Variants in OR51B5 observed in about 807,000 individuals in gnomAD.
OR51B5 encodes the protein olfactory receptor family 51 subfamily B member 5.
For synonymous variants in OR51B5, 186 were observed against 144.8 expected, an observed-to-expected ratio of 1.28 and a Z score of -2.04; for missense variants, 456 against 374.6, an observed-to-expected ratio of 1.22 and a Z score of -1.79.
intron 1 of OR51B5, chr11:5,469,420 C>T (rs763491887): frequency 6.6e-6 from 1 of 152,242 alleles, no homozygotes; most frequent in Non-Finnish European, 1.5e-5. Flanking sequence ...CAAAGCCCCC[C>T]ATCAGGGTTT....
In OR51B5 at chr11:5,489,323, C is replaced by T. The variant is rs142747961; in HGVS notation, n.84+16246G>A. On this transcript the variant is annotated intron_variant and non_coding_transcript_variant, in intron 1 of 4. Transcript: ENST00000415970. ...AATATTGTCTATGGGCTAACTGTGG[C>T]TCTGCTGGCCATGGGACTGGATTCC... 1.5e-3 allele frequency: 2,369 copies of T among 1,613,958 alleles called. 23 individuals are homozygous for T. In the East Asian group the frequency reaches 0.03, roughly 20 times the overall value.
chr11:5,505,293 G>T (rs1846355088), intron 1 of OR51B5: 1 of 1,296,080 alleles, frequency 7.7e-7, no homozygotes. Flanking sequence ...TTCCAAGGAT[G>T]GAAATTTGGG....
chr11:5,465,305 G>A (rs1438112223), intron 1 of OR51B5, among the ~76,000 whole-genome samples: 1 of 150,516 alleles, frequency 6.6e-6, no homozygotes, highest in Non-Finnish European at 1.5e-5. Flanking sequence ...TCTAACTGGT[G>A]TGAGATGATA....
At chr11:5,352,440 A>G in intron 1 of OR51B5, 1 of 1,577,546 alleles carries the variant, frequency 6.3e-7, no homozygotes, top group Non-Finnish European at 8.6e-7. Flanking sequence ...CTCACTCTAG[A>G]GCATGACATT....
At chr11:5,502,655 C>T (rs1164154027) in intron 1 of OR51B5, among the ~76,000 whole-genome samples, 1 of 152,190 alleles carries the variant, frequency 6.6e-6, no homozygotes, top group African/African-American at 2.4e-5. Context: ...TCCAGCTCAA[C>T]CATTCCTTCA....
intron 1 of OR51B5, chr11:5,468,489 G>A (rs1590014834): frequency 2.9e-6 from 1 of 350,156 alleles, no homozygotes; most frequent in East Asian, 7.9e-5. Context: ...TCCTTGATCA[G>A]AACTTAGCTC....
intron 1 of OR51B5, among the ~76,000 whole-genome samples, chr11:5,394,194 T>TA (rs1757134778): frequency 6.6e-6 from 1 of 152,112 alleles, no homozygotes; most frequent in African/African-American, 2.4e-5. Flanking sequence ...GGTATTATTC[T>TA]AAGGGCATAA....
At chr11:5,357,848 C>A (rs190195551) in intron 1 of OR51B5, among the ~76,000 whole-genome samples, 1 of 151,530 alleles carries the variant, frequency 6.6e-6, no homozygotes, top group South Asian at 2.1e-4. Flanking sequence ...CACTCAAAAC[C>A]GCTCAACTAC....
At chr11:5,388,582 T>A (rs1331522881) in intron 1 of OR51B5, among the ~76,000 whole-genome samples, 1 of 148,632 alleles carries the variant, frequency 6.7e-6, no homozygotes, top group Non-Finnish European at 1.5e-5. Context: ...TTGTTTAGTG[T>A]CATTAACACC....
At chr11:5,340,749 A>G (rs1480487773), downstream of OR51B5, 6 of 152,208 alleles carry the variant, frequency 3.9e-5, no homozygotes, top group African/African-American at 1.4e-4. Flanking sequence ...AATCATGACT[A>G]TACCAATTAA....
At chr11:5,390,171 G>T in intron 1 of OR51B5, 1 of 1,613,880 alleles carries the variant, frequency 6.2e-7, no homozygotes, top group Non-Finnish European at 8.5e-7. Flanking sequence ...GCTCCTCTCT[G>T]TGCTGTGCTA....
chr11:5,419,493 T>C (rs1298623283), intron 1 of OR51B5, among the ~76,000 whole-genome samples: 2 of 152,218 alleles, frequency 1.3e-5, no homozygotes, highest in African/African-American at 4.8e-5. Flanking sequence ...TTTTCCCCTG[T>C]CATTATTCCC....
chr11:5,422,972 G>A, intron 1 of OR51B5: 1 of 1,614,076 alleles, frequency 6.2e-7, no homozygotes, highest in Non-Finnish European at 8.5e-7. Flanking sequence ...CATTCCCATG[G>A]TTGGTGTATC....
upstream of OR51B5, among the ~76,000 whole-genome samples, chr11:5,344,078 G>A (rs1301390433): frequency 1.3e-5 from 2 of 152,212 alleles, no homozygotes; most frequent in African/African-American, 4.8e-5. Flanking sequence ...TAGCTAAGGA[G>A]CAGTCAGATT....
chr11:5,411,460 C>T (rs1850148195), intron 1 of OR51B5, among the ~76,000 whole-genome samples: 1 of 126,068 alleles, frequency 7.9e-6, no homozygotes, highest in African/African-American at 2.8e-5. Context: ...GGACATACCC[C>T]TGTTGCTAAG....
intron 1 of OR51B5, among the ~76,000 whole-genome samples, chr11:5,411,885 C>T (rs566606919): frequency 6.6e-6 from 1 of 152,200 alleles, no homozygotes; most frequent in East Asian, 1.9e-4. Flanking sequence ...ATGTGGTTGG[C>T]CTCTACAAGC....
chr11:5,501,185 C>G (rs1343543622), intron 1 of OR51B5, among the ~76,000 whole-genome samples: 1 of 147,424 alleles, frequency 6.8e-6, no homozygotes, highest in African/African-American at 2.4e-5. Flanking sequence ...TCTGACTTGC[C>G]TGATACAGAT....
chr11:5,377,612 G>A (rs1306604224), intron 1 of OR51B5, among the ~76,000 whole-genome samples: 1 of 152,124 alleles, frequency 6.6e-6, no homozygotes, highest in African/African-American at 2.4e-5. Context: ...CTTCAGCAAA[G>A]CCTCAGGATA....
At chr11:5,365,721 C>T (rs79375238) in intron 1 of OR51B5, among the ~76,000 whole-genome samples, 1 of 152,058 alleles carries the variant, frequency 6.6e-6, no homozygotes, top group Non-Finnish European at 1.5e-5. Flanking sequence ...TTTAAATTGT[C>T]CTGTAATTAT....
Sources: allele counts gnomAD v4.1 joint callset (sites outside exome capture counted in the v4.1 genomes callset), GRCh38; gene constraint gnomAD v4.1.1; transcripts MANE v1.5; gene names NCBI Gene and HGNC (gene_info 2026-07-23, HGNC 2026-07-21).